Variants in DLG5 observed in about 807,000 individuals in gnomAD.
DLG5 encodes the protein discs large MAGUK scaffold protein 5.
In DLG5, 48 loss-of-function variants were observed where a neutral mutation model predicts 189.8. The ratio of observed to expected loss-of-function variants is 0.25; its 90% CI spans 0.20 to 0.32. The LOEUF is 0.32. Among genes scored for constraint, DLG5 ranks in the 10% least tolerant of loss-of-function variants. The probability of loss-of-function intolerance (pLI) is 1.00; values close to 1 mark genes in which losing one functional copy is unlikely to be tolerated. For synonymous variants in DLG5, 1,016 were observed against 1,054.1 expected (o/e 0.96, Z 0.70); for missense variants, 2,160 against 2,544.7 (o/e 0.85, Z 3.25).
chr10:77,810,916 AAG>A (rs1224994542), intron 23 of DLG5, among the ~76,000 whole-genome samples, 176 bp downstream of exon 23: 2 of 152,212 alleles, frequency 1.3e-5, no homozygotes, highest in Middle Eastern at 3.2e-3. Flanking sequence ...GAGAAAGGAA[AAG>A]AGAGAGTAGG....
At chr10:77,843,766 C>T (rs1843547152) in intron 5 of DLG5, 60 bp from the exon 6 acceptor site, 11 of 1,603,800 alleles carry the variant, frequency 6.9e-6, no homozygotes, top group Non-Finnish European at 8.5e-6. Flanking sequence ...GGAGACCTCC[C>T]ACTCTCACTT....
chr10:77,926,552 A>C lies in DLG5; in HGVS notation c.-32T>G. The C allele has an allele frequency of 8.1e-7, 1 of 1,232,960 alleles. No homozygotes were observed. Among genetic ancestry groups the C allele is most frequent in the African/African-American group, 1.6e-5 (1 of 63,108 alleles). 76.4% of individuals were successfully genotyped at this position (1,232,960 alleles called of 1,614,324 possible). On this transcript the variant is annotated 5_prime_UTR_variant, in exon 1 of 32. Coordinates refer to ENST00000372391, the MANE Select transcript of DLG5 (RefSeq NM_004747.4). This position sits in a 1 kb window ranked among gnomAD's most constrained non-coding sequence, Gnocchi z 5.2. Reference sequence around the variant, plus strand: ...GGGCCGCGCCGCCCCGCCCCGCCGGACGCCTCCCGGGCCCCCCGAGGCCGG... The same window carrying C: ...GGGCCGCGCCGCCCCGCCCCGCCGGCCGCCTCCCGGGCCCCCCGAGGCCGG...
At chr10:77,867,056 A>G (rs1844710127) in intron 2 of DLG5, 1 of 456,988 alleles carries the variant, frequency 2.2e-6, no homozygotes, top group African/African-American at 2.0e-5. Flanking sequence ...ATGCCCAGGA[A>G]GAGCACAGAG....
At chr10:77,893,553 G>A (rs759617538) in intron 1 of DLG5, among the ~76,000 whole-genome samples, 4 of 152,232 alleles carry the variant, frequency 2.6e-5, no homozygotes, top group Non-Finnish European at 4.4e-5. Context: ...GCCCCAGACA[G>A]CAGCACCTGC....
intron 1 of DLG5, among the ~76,000 whole-genome samples, chr10:77,871,094 G>A (rs190141436): frequency 1.1e-4 from 16 of 152,330 alleles, no homozygotes; most frequent in Admixed American, 3.3e-4. Flanking sequence ...ATCTGAAGGC[G>A]TTGAGCATGG....
In DLG5 at chr10:77,796,373, C is replaced by A; in HGVS notation, c.5308+78G>T. On this transcript the variant is annotated intron_variant, in intron 28 of 31. Transcript: ENST00000372391. This position sits in a 1 kb window ranked among gnomAD's most constrained non-coding sequence, Gnocchi z 5.2. ...CCCCCCGGTACTGCCACCCACTGTG[C>A]ACAGCTGGGCAGGCAGGTGGACAGG... The A allele has an allele frequency of 6.2e-7, 1 of 1,608,108 alleles. No homozygotes were observed. Among genetic ancestry groups the A allele is most frequent in the Non-Finnish European group, 8.5e-7 (1 of 1,176,128 alleles).
chr10:77,840,627 G>A (rs968185496), intron 7 of DLG5, among the ~76,000 whole-genome samples: 3 of 152,174 alleles, frequency 2.0e-5, no homozygotes, highest in Admixed American at 6.5e-5. Context: ...GCTGAGGCAC[G>A]AGAATTGCTT....
At chr10:77,911,276 C>T (rs11002330) in intron 1 of DLG5, among the ~76,000 whole-genome samples, 9,372 of 151,986 alleles carry the variant, frequency 0.062, 963 homozygotes, top group African/African-American at 0.21. Context: ...CACAGGCATG[C>T]GCCACAGCTA....
At chr10:77,867,081 T>G (rs1393751981) in intron 2 of DLG5, 1 of 456,870 alleles carries the variant, frequency 2.2e-6, no homozygotes, top group Non-Finnish European at 4.4e-6. Context: ...TGTTGACGGC[T>G]CCATCGCAAG....
chr10:77,932,404 G>A, the DLG5 span, among the ~76,000 whole-genome samples: 1 of 152,150 alleles, frequency 6.6e-6, no homozygotes, highest in Non-Finnish European at 1.5e-5. Context: ...ATTAATAGGT[G>A]AACATATGAA....
intron 2 of DLG5, among the ~76,000 whole-genome samples, chr10:77,860,433 G>T (rs1247354717): frequency 6.6e-6 from 1 of 152,188 alleles, no homozygotes; most frequent in Non-Finnish European, 1.5e-5. Flanking sequence ...AAGTAGCTGG[G>T]ATTACAGGCA....
At chr10:77,821,060 A>G in intron 15 of DLG5, 22 bp downstream of exon 15, 1 of 1,578,440 alleles carries the variant, frequency 6.3e-7, no homozygotes, top group Non-Finnish European at 8.6e-7. Context: ...TCCCCTCCCC[A>G]CACCCTGGGG....
chr10:77,815,597 A>G (rs1472404680), intron 20 of DLG5, among the ~76,000 whole-genome samples: 1 of 152,086 alleles, frequency 6.6e-6, no homozygotes, highest in Non-Finnish European at 1.5e-5. Flanking sequence ...GGAGGCAGAG[A>G]TTGCAGTGAG....
intron 27 of DLG5, among the ~76,000 whole-genome samples, chr10:77,802,107 A>G (rs1427261325): frequency 6.6e-6 from 1 of 152,230 alleles, no homozygotes; most frequent in Admixed American, 6.5e-5. Flanking sequence ...CTCTCTCCTC[A>G]AGCCCGGAGG....
Position 77,926,434 on chromosome 10 carries a change from C to T in DLG5, c.87G>A (p.Leu29=). 1 of 1,567,618 alleles carries T rather than the reference C, an allele frequency of 6.4e-7. No individual in the cohort carries two copies. Among genetic ancestry groups the T allele is most frequent in the African/African-American group, 1.4e-5 (1 of 73,198 alleles). Residue 29 remains leucine (L), a synonymous_variant, in exon 1 of 32, where the codon CTG becomes CTA. Transcript: ENST00000372391. The surrounding 1 kb of genome is among the most constrained non-coding windows in gnomAD (Gnocchi z 5.2). ...AMTEVEAVLG[L]LEAAGALSPG... ...GACTGAGCGCTCCCGCGGCCTCGAG[C>T]AGCCCGAGCACGGCTTCCACCTCCG...
chr10:77,802,854 C>T (rs1841284480), intron 27 of DLG5, among the ~76,000 whole-genome samples: 2 of 152,282 alleles, frequency 1.3e-5, no homozygotes, highest in East Asian at 3.9e-4. Context: ...GAGCCGAGAT[C>T]GTACCATTGC....
Position 77,821,849 on chromosome 10 carries a change from C to T in DLG5, c.2635G>A (p.Val879Ile), listed in dbSNP as rs748684218. ...HKPFPGGPLQ[V>I]CPQACPSASE... is the part of the protein sequence containing the mutation. ...GCACTGGGACAGGCCTGGGGGCAGA[C>T]CTGCAAGGGTCCCCCAGGGAATGGC... The change falls in exon 15 of 32, where the codon GTC becomes ATC. Residue 879 changes from valine (V) to isoleucine (I), a missense_variant. By Grantham distance (29) the Val-to-Ile change is conservative. This residue lies in a region of DLG5 where 754 missense variants were observed against 746.5 expected (regional missense o/e 1.01). Coordinates refer to ENST00000372391, the MANE Select transcript of DLG5 (RefSeq NM_004747.4). 4.3e-6 allele frequency: 7 copies of T among 1,613,854 alleles called. No homozygotes were observed. The highest frequency in any genetic ancestry group is 5.9e-6 in the Non-Finnish European group (7 of 1,179,922).
intron 1 of DLG5, among the ~76,000 whole-genome samples, chr10:77,896,614 G>T (rs181979286): frequency 2.0e-5 from 3 of 152,274 alleles, no homozygotes; most frequent in African/African-American, 4.8e-5. Context: ...GCCAAGGGGG[G>T]GTGGATCACT....
At position 77,856,783 on chromosome 10, in the gene DLG5, G is replaced by A. The variant is rs746233632; in HGVS notation, c.483C>T (p.Asn161=). The A allele has an allele frequency of 1.4e-5, 23 of 1,613,434 alleles. No individual in the cohort carries two copies. The highest frequency in any genetic ancestry group is 9.3e-5 in the African/African-American group (7 of 74,898). Residue 161 remains asparagine, a synonymous_variant, in exon 3 of 32, where the codon AAC becomes AAT. Coordinates refer to ENST00000372391, the MANE Select transcript of DLG5 (RefSeq NM_004747.4). ...IQLRLMTRER[N]ELRKRLAFAT... ...CAAAGGCCAGGCGCTTGCGGAGCTC[G>A]TTTCTCTCCCGGGTCATCAGCCGCA...
Sources: gnomAD v4.1 joint callset for allele counts (sites outside exome capture counted in the v4.1 genomes callset) on GRCh38, gnomAD v4.1.1 for gene constraint, gnomAD v4.1.1 regional missense constraint, Gnocchi (gnomAD v3.1) non-coding constraint, MANE v1.5 for transcripts, NCBI Gene and HGNC (gene_info 2026-07-23, HGNC 2026-07-21) for gene names.